The following GALNT10 variants were observed in gnomAD, a reference collection of about 807,000 sequenced individuals.
GALNT10 encodes GalNAc transferase 10.
In GALNT10, 41 loss-of-function variants were observed where a neutral mutation model predicts 75.0. The observed-to-expected ratio is 0.55, with a 90% CI of 0.43 to 0.71. The LOEUF (loss-of-function observed/expected upper bound fraction) is 0.71, where lower values mean the gene tolerates loss of function less well. GALNT10 is among the 30% of genes least tolerant of loss of function. GALNT10 has a pLI of 0.00. For missense variants in GALNT10, 727 were observed against 818.5 expected (o/e 0.89, Z 1.36); for synonymous variants, 302 against 313.0 (o/e 0.96, Z 0.37).
intron 1 of GALNT10, among the ~76,000 whole-genome samples, chr5:154,284,661 A>G (rs1242794680): frequency 6.6e-6 from 1 of 152,198 alleles, no homozygotes; most frequent in Non-Finnish European, 1.5e-5. Context: ...AGCTAGACTG[A>G]GATTTTCAAA....
At chr5:154,368,841 C>T (rs1307150542) in intron 4 of GALNT10, among the ~76,000 whole-genome samples, 3 of 152,164 alleles carry the variant, frequency 2.0e-5, no homozygotes, top group African/African-American at 7.2e-5. Context: ...CAAGGGAAAG[C>T]CTTAGACATC....
At chr5:154,240,637 A>G (rs1176480186) in intron 1 of GALNT10, among the ~76,000 whole-genome samples, 1 of 152,220 alleles carries the variant, frequency 6.6e-6, no homozygotes, top group Non-Finnish European at 1.5e-5. Context: ...TTGATTGAAA[A>G]CAACCATTAT....
chr5:154,287,359 A>C (rs1182257413), intron 1 of GALNT10: 5 of 152,090 alleles, frequency 3.3e-5, no homozygotes, highest in Non-Finnish European at 7.3e-5. Context: ...TATGCCCTTC[A>C]CTTTCTAACT....
At chr5:154,411,720 T>C (rs183127482) in intron 9 of GALNT10, among the ~76,000 whole-genome samples, 3 of 152,360 alleles carry the variant, frequency 2.0e-5, no homozygotes, top group African/African-American at 4.8e-5. Flanking sequence ...GCTCTTTGGC[T>C]CTTTACTAGT....
chr5:154,225,123 T>TG (rs953181783), intron 1 of GALNT10, among the ~76,000 whole-genome samples: 9 of 150,596 alleles, frequency 6.0e-5, no homozygotes, highest in Non-Finnish European at 1.2e-4. Flanking sequence ...GACAGAGTCT[T>TG]GCTCTGTCAC....
At chr5:154,307,207 C>T (rs1754446950) in intron 3 of GALNT10, among the ~76,000 whole-genome samples, 1 of 152,208 alleles carries the variant, frequency 6.6e-6, no homozygotes, top group Non-Finnish European at 1.5e-5. Flanking sequence ...AACGATCAAC[C>T]TGAATAGTCC....
At chr5:154,414,404 CGA>C (rs1756463044) in intron 10 of GALNT10, among the ~76,000 whole-genome samples, 1 of 151,920 alleles carries the variant, frequency 6.6e-6, no homozygotes, top group Non-Finnish European at 1.5e-5. Context: ...CAATAACAAG[CGA>C]TGAATTATTG....
chr5:154,237,088 G>A (rs1753259703), intron 1 of GALNT10, among the ~76,000 whole-genome samples: 1 of 152,204 alleles, frequency 6.6e-6, no homozygotes, highest in South Asian at 2.1e-4. Context: ...GTCCTAAACT[G>A]GTTCTTTGTG....
Position 154,409,874 on chromosome 5 carries a change from T to A in GALNT10, c.1386+112T>A, listed in dbSNP as rs1300802557. 9.6e-6 allele frequency: 7 copies of A among 730,620 alleles called. No individual in the cohort carries two copies. The South Asian group carries it at 1.1e-4, about 12-fold the overall frequency. The allele number at this position is 730,620 out of a possible 1,614,324, so 45.3% of individuals were successfully genotyped here. ...AGTGCAGGGAGGAAAGGCGTGAATA[T>A]AAAATCGTTTCCTTTCTTTCCTGGT... is the stretch of plus-strand genomic sequence containing the variant. On this transcript the variant is annotated intron_variant, in intron 9 of 11. Transcript: ENST00000297107. The surrounding 1 kb of genome is among the most constrained non-coding windows in gnomAD (Gnocchi z 4.5).
At chr5:154,326,778 G>A (rs1469577702) in intron 3 of GALNT10, among the ~76,000 whole-genome samples, 1 of 152,136 alleles carries the variant, frequency 6.6e-6, no homozygotes, top group Non-Finnish European at 1.5e-5. Flanking sequence ...AGTACACACA[G>A]GGTTTCTTTA....
rs915119433 is a variant in GALNT10, at chr5:154,417,181, A to G, written c.*209A>G. The G allele has an allele frequency of 5.2e-6, 3 of 571,472 alleles. No individual in the cohort carries two copies. The highest frequency in any genetic ancestry group is 6.1e-5 in the Admixed American group (2 of 32,770). 35.4% of individuals were successfully genotyped at this position (571,472 alleles called of 1,614,324 possible). A position where few individuals can be genotyped will look rare whatever the true frequency, so the allele number is the denominator to read the frequency against. On this transcript the variant is annotated 3_prime_UTR_variant, in exon 12 of 12. Coordinates refer to ENST00000297107, the MANE Select transcript of GALNT10 (RefSeq NM_198321.4). ...GGTAGGGTGAAGAGCATATCCCACA[A>G]GAGGCCCCACAGGGAGCAGAGACTG...
intron 1 of GALNT10, among the ~76,000 whole-genome samples, chr5:154,226,995 G>A (rs1272881839): frequency 6.7e-6 from 1 of 150,106 alleles, no homozygotes; most frequent in African/African-American, 2.4e-5. Flanking sequence ...ATTATTTTGA[G>A]ATTCATTCAT....
intron 1 of GALNT10, among the ~76,000 whole-genome samples, chr5:154,199,285 G>A (rs557110836): frequency 5.4e-4 from 82 of 152,242 alleles, no homozygotes; most frequent in Non-Finnish European, 1.0e-3. Context: ...AAATCCTACT[G>A]AGGGTCCAAC....
Position 154,352,113 on chromosome 5 carries a change from C to T in GALNT10, c.568+22375C>T, listed in dbSNP as rs1755212086. 6.6e-6 allele frequency among the ~76,000 whole-genome samples: 1 copy of T among 152,232 alleles called. No individual in the cohort carries two copies. The highest frequency in any genetic ancestry group is 6.5e-5 in the Admixed American group (1 of 15,286). On this transcript the variant is annotated intron_variant, in intron 4 of 11. Transcript: ENST00000297107. The surrounding 1 kb of genome is among the most constrained non-coding windows in gnomAD (Gnocchi z 4.4). ...ACTTAGGGAATATTTATGAAATACC[C>T]ACTCTGTATCTGTTTACCAGATACC...
chr5:154,221,772 A>C (rs912293348), intron 1 of GALNT10, among the ~76,000 whole-genome samples: 1 of 152,238 alleles, frequency 6.6e-6, no homozygotes, highest in African/African-American at 2.4e-5. Flanking sequence ...AGCACTCCGC[A>C]GTGCGACTTG....
At chr5:154,253,897 G>T (rs552026402) in intron 1 of GALNT10, among the ~76,000 whole-genome samples, 3 of 151,928 alleles carry the variant, frequency 2.0e-5, no homozygotes, top group African/African-American at 7.3e-5. Flanking sequence ...GTCTTGATCC[G>T]CCCTAGAAGA....
At chr5:154,342,427 C>T (rs1431972453) in intron 4 of GALNT10, among the ~76,000 whole-genome samples, 3 of 152,192 alleles carry the variant, frequency 2.0e-5, no homozygotes, top group Admixed American at 2.0e-4. Context: ...GACTGAAGAG[C>T]TTGTTAAATG....
chr5:154,405,039 C>T (rs1756244588), intron 8 of GALNT10, among the ~76,000 whole-genome samples: 1 of 152,284 alleles, frequency 6.6e-6, no homozygotes, highest in East Asian at 1.9e-4. Context: ...GGAGGGTCCC[C>T]AGAGGATAGA....
chr5:154,391,492 G>A (rs981149523), intron 7 of GALNT10, among the ~76,000 whole-genome samples: 1 of 152,172 alleles, frequency 6.6e-6, no homozygotes. Flanking sequence ...GCAGAGCAAA[G>A]TTCTCACGTG....
Sources: gnomAD v4.1 joint callset for allele counts (sites outside exome capture counted in the v4.1 genomes callset) on GRCh38, gnomAD v4.1.1 for gene constraint, Gnocchi (gnomAD v3.1) non-coding constraint, MANE v1.5 for transcripts, NCBI Gene and HGNC (gene_info 2026-07-23, HGNC 2026-07-21) for gene names.